The following FOXP2 variants were observed in gnomAD, a reference collection of about 807,000 sequenced individuals.
The protein encoded by FOXP2 is forkhead box P2.
A neutral mutation model predicts 115.8 loss-of-function variants in FOXP2; 12 were observed. The ratio of observed to expected loss-of-function variants is 0.10; its 90% CI spans 0.07 to 0.17. The LOEUF is 0.17. FOXP2 is among the 10% of genes least tolerant of loss of function. FOXP2 has a pLI of 1.00. For missense variants in FOXP2, 629 were observed against 843.5 expected (o/e 0.75, Z 3.15); for synonymous variants, 328 against 297.7 (o/e 1.10, Z -1.05).
intron 1 of FOXP2, among the ~76,000 whole-genome samples, chr7:114,265,003 T>C (rs1203257848): frequency 6.6e-6 from 1 of 152,188 alleles, no homozygotes; most frequent in African/African-American, 2.4e-5. Context: ...TTGGGGATTA[T>C]AATTGAACAT....
At chr7:114,564,543 A>G (rs1357766762) in intron 3 of FOXP2, among the ~76,000 whole-genome samples, 1 of 152,150 alleles carries the variant, frequency 6.6e-6, no homozygotes, top group Non-Finnish European at 1.5e-5. Flanking sequence ...TCAGTGATAG[A>G]AATTATAAAA....
chr7:114,175,960 T>C (rs1793278084), intron 1 of FOXP2, among the ~76,000 whole-genome samples: 1 of 152,214 alleles, frequency 6.6e-6, no homozygotes, highest in Non-Finnish European at 1.5e-5. Context: ...TGCCACAAAA[T>C]AGTAAATGTT....
At chr7:114,510,624 A>T (rs1055627791) in intron 2 of FOXP2, among the ~76,000 whole-genome samples, 3 of 152,224 alleles carry the variant, frequency 2.0e-5, no homozygotes, top group Non-Finnish European at 4.4e-5. Context: ...AATAAAGGGC[A>T]CTTTAAAAAG....
intron 8 of FOXP2, among the ~76,000 whole-genome samples, chr7:114,650,174 T>C (rs1806162173): frequency 6.6e-6 from 1 of 152,052 alleles, no homozygotes; most frequent in Non-Finnish European, 1.5e-5. Context: ...CATTTTGTAC[T>C]TTTTTTAGTT....
chr7:114,134,406 A>T (rs1428363981), intron 1 of FOXP2, among the ~76,000 whole-genome samples: 1 of 152,180 alleles, frequency 6.6e-6, no homozygotes, highest in East Asian at 1.9e-4. Context: ...CTTTCAATGA[A>T]TCTTCACAGA....
intron 2 of FOXP2, among the ~76,000 whole-genome samples, chr7:114,507,165 A>C (rs1361373006): frequency 6.6e-6 from 1 of 151,658 alleles, no homozygotes; most frequent in African/African-American, 2.4e-5. Flanking sequence ...ACCCCCCCCA[A>C]ATAAACCAAA....
chr7:114,290,852 C>T (rs944449237), intron 2 of FOXP2, among the ~76,000 whole-genome samples: 9 of 151,940 alleles, frequency 5.9e-5, no homozygotes, highest in African/African-American at 2.2e-4. Flanking sequence ...GATAACAGTT[C>T]GTATTTAATA....
chr7:114,211,750 A>G (rs1794356616), intron 1 of FOXP2, among the ~76,000 whole-genome samples: 2 of 152,202 alleles, frequency 1.3e-5, no homozygotes, highest in Non-Finnish European at 2.9e-5. Context: ...TAAGAGAGGA[A>G]GAACTGGACC....
At chr7:114,509,295 G>GT (rs1797963694) in intron 2 of FOXP2, among the ~76,000 whole-genome samples, 1 of 151,626 alleles carries the variant, frequency 6.6e-6, no homozygotes, top group Non-Finnish European at 1.5e-5. Flanking sequence ...GTTTTGTTTT[G>GT]TTTTTTGAGA....
intron 1 of FOXP2, among the ~76,000 whole-genome samples, chr7:114,271,899 A>G (rs1796063660): frequency 7.8e-6 from 1 of 128,170 alleles, no homozygotes; most frequent in Admixed American, 8.8e-5. Context: ...ACATTAATAT[A>G]ATTATTAATA....
intron 3 of FOXP2, among the ~76,000 whole-genome samples, chr7:114,539,551 C>A (rs182126562): frequency 2.0e-5 from 3 of 151,564 alleles, no homozygotes; most frequent in African/African-American, 7.3e-5. Context: ...TACATTATTT[C>A]TTGATCATAA....
intron 1 of FOXP2, among the ~76,000 whole-genome samples, chr7:114,123,791 G>C (rs1288738336): frequency 6.6e-6 from 1 of 152,026 alleles, no homozygotes; most frequent in Non-Finnish European, 1.5e-5. Flanking sequence ...CAAAATATTT[G>C]TAAAACATTT....
At chr7:114,381,072 T>G (rs1176543124) in intron 2 of FOXP2, among the ~76,000 whole-genome samples, 1 of 152,242 alleles carries the variant, frequency 6.6e-6, no homozygotes, top group African/African-American at 2.4e-5. Flanking sequence ...TTTCTGAGTT[T>G]CTTTAATTAG....
At chr7:114,583,097 C>T (rs1035962036) in intron 3 of FOXP2, among the ~76,000 whole-genome samples, 1 of 152,074 alleles carries the variant, frequency 6.6e-6, no homozygotes, top group Non-Finnish European at 1.5e-5. Context: ...CTTTGCTTTG[C>T]CCAGGCGTGG....
At chr7:114,116,392 A>G (rs917219042) in intron 1 of FOXP2, among the ~76,000 whole-genome samples, 2 of 152,172 alleles carry the variant, frequency 1.3e-5, no homozygotes, top group South Asian at 2.1e-4. Flanking sequence ...TTTGCTAGGT[A>G]TTAAAAAGAC....
chr7:114,520,431 A>G (rs757039456), intron 2 of FOXP2, among the ~76,000 whole-genome samples: 5 of 152,152 alleles, frequency 3.3e-5, no homozygotes, highest in Non-Finnish European at 7.4e-5. Context: ...AAGCAACACT[A>G]TCAGGTAATT....
At chr7:114,535,788 G>A (rs1418624770) in intron 3 of FOXP2, among the ~76,000 whole-genome samples, 1 of 151,680 alleles carries the variant, frequency 6.6e-6, no homozygotes, top group East Asian at 1.9e-4. Flanking sequence ...GGGTGGATGA[G>A]AAGAAGAGGG....
At chr7:114,298,444 T>C (rs767921093) in intron 2 of FOXP2, among the ~76,000 whole-genome samples, 1 of 152,202 alleles carries the variant, frequency 6.6e-6, no homozygotes, top group Non-Finnish European at 1.5e-5. Context: ...AAAACGATAA[T>C]AGTAATAACA....
intron 16 of FOXP2, chr7:114,665,049 T>G (rs1807089953): frequency 1.3e-5 from 2 of 152,564 alleles, no homozygotes; most frequent in Admixed American, 6.5e-5. Flanking sequence ...ATTTAGCAGC[T>G]AACTATATCA....
Sources: allele counts gnomAD v4.1 joint callset (sites outside exome capture counted in the v4.1 genomes callset), GRCh38; gene constraint gnomAD v4.1.1; transcripts MANE v1.5; gene names NCBI Gene and HGNC (gene_info 2026-07-23, HGNC 2026-07-21).